ADAMTSL1: variants seen among roughly 807,000 people sequenced by gnomAD.
ADAMTSL1 encodes the protein ADAMTS-like protein 1.
Under a neutral mutation model 201.8 loss-of-function variants are expected in ADAMTSL1, and 126 were observed. That is an observed-to-expected ratio of 0.62 (90% CI 0.54 to 0.72). ADAMTSL1 has a LOEUF of 0.72. Among genes scored for constraint, ADAMTSL1 ranks in the 30% least tolerant of loss-of-function variants. The probability of loss-of-function intolerance (pLI) is 0.00; values close to 1 mark genes in which losing one functional copy is unlikely to be tolerated. For missense variants in ADAMTSL1, 2,679 were observed against 2,277.8 expected (o/e 1.18, Z -3.59); for synonymous variants, 1,121 against 903.4 (o/e 1.24, Z -4.32).
rs757969076 is a variant in ADAMTSL1, at chr9:18,777,302, G to A, written c.3073G>A (p.Val1025Ile). Residue 1025 changes from valine (V) to isoleucine (I), a missense_variant, in exon 19 of 29, where the codon GTC becomes ATC. By Grantham distance (29) the Val-to-Ile change is conservative (BLOSUM62 3). Transcript: ENST00000380548. The part of the protein sequence containing the change: ...ANPGSRYDDL[V>I]SRLLEQGGWP... ...CCCGGGGAGCCGCTACGACGACCTC[G>A]TCTCCCGGCTGCTGGAGCAGGGCGG... 3.7e-6 allele frequency: 6 copies of A among 1,604,328 alleles called. No homozygotes were observed. The highest frequency in any genetic ancestry group is 3.4e-6 in the Non-Finnish European group (4 of 1,175,732).
At chr9:18,063,135 C>T (rs1822535090) in intron 1 of ADAMTSL1, among the ~76,000 whole-genome samples, 1 of 151,958 alleles carries the variant, frequency 6.6e-6, no homozygotes, top group South Asian at 2.1e-4. Context: ...TCAAGACCAG[C>T]CTGAGGCCAG....
At chr9:18,528,034 T>TG (rs533300610) in intron 2 of ADAMTSL1, among the ~76,000 whole-genome samples, 165 of 152,078 alleles carry the variant, frequency 1.1e-3, no homozygotes, top group African/African-American at 3.8e-3. Context: ...CCTGCCACCA[T>TG]GCCCGGCTAA....
chr9:18,625,602 A>AT (rs2132696706), intron 5 of ADAMTSL1, among the ~76,000 whole-genome samples: 1 of 152,286 alleles, frequency 6.6e-6, no homozygotes, highest in East Asian at 1.9e-4. Flanking sequence ...AAAAATAGTC[A>AT]AATATAGCTG....
At chr9:18,695,112 A>G in intron 13 of ADAMTSL1, among the ~76,000 whole-genome samples, 1 of 152,236 alleles carries the variant, frequency 6.6e-6, no homozygotes, top group East Asian at 1.9e-4. Flanking sequence ...AAGGTTGTGC[A>G]GGGCAGTGGA....
intron 2 of ADAMTSL1, among the ~76,000 whole-genome samples, chr9:18,315,461 G>A (rs1389326252): frequency 6.6e-6 from 1 of 152,088 alleles, no homozygotes; most frequent in African/African-American, 2.4e-5. Flanking sequence ...TCGGGCATTG[G>A]GGGCTGCAGG....
chr9:18,887,289 C>A (rs6475268), intron 23 of ADAMTSL1, among the ~76,000 whole-genome samples: 1 of 151,948 alleles, frequency 6.6e-6, no homozygotes, highest in Non-Finnish European at 1.5e-5. Flanking sequence ...TTGGCAAAAG[C>A]CTTCAGAAGA....
At chr9:18,749,938 G>A (rs762421105) in intron 15 of ADAMTSL1, among the ~76,000 whole-genome samples, 2 of 152,138 alleles carry the variant, frequency 1.3e-5, no homozygotes, top group Non-Finnish European at 2.9e-5. Flanking sequence ...AGGTCCCAGG[G>A]GCTAAATTTC....
intron 1 of ADAMTSL1, among the ~76,000 whole-genome samples, chr9:18,478,954 A>G (rs891937873): frequency 6.6e-6 from 1 of 152,154 alleles, no homozygotes; most frequent in Non-Finnish European, 1.5e-5. Flanking sequence ...ATGTGGTTGA[A>G]TTTTGGCTTG....
At chr9:18,853,516 A>C (rs1211303511) in intron 23 of ADAMTSL1, among the ~76,000 whole-genome samples, 1 of 152,214 alleles carries the variant, frequency 6.6e-6, no homozygotes, top group Non-Finnish European at 1.5e-5. Flanking sequence ...ATTGATCATC[A>C]GAAATGCTGG....
At chr9:18,546,416 ATCT>A (rs932642562) in intron 3 of ADAMTSL1, among the ~76,000 whole-genome samples, 44 of 152,198 alleles carry the variant, frequency 2.9e-4, no homozygotes, top group African/African-American at 1.0e-3. Flanking sequence ...GACTCAAGTG[ATCT>A]TCTCATTAAA....
chr9:18,217,823 G>A (rs1255066065), intron 2 of ADAMTSL1, among the ~76,000 whole-genome samples: 25 of 152,072 alleles, frequency 1.6e-4, no homozygotes, highest in Admixed American at 1.6e-3. Context: ...CACAGAAAAG[G>A]CATCCCTTTG....
chr9:17,978,146 T>C (rs1167164369), intron 1 of ADAMTSL1, among the ~76,000 whole-genome samples: 3 of 152,108 alleles, frequency 2.0e-5, no homozygotes, highest in African/African-American at 7.2e-5. Context: ...TTCATTTGTA[T>C]GGAATATCTT....
chr9:18,663,759 G>T (rs1168614332), intron 9 of ADAMTSL1, among the ~76,000 whole-genome samples: 1 of 152,078 alleles, frequency 6.6e-6, no homozygotes, highest in Admixed American at 6.6e-5. Flanking sequence ...ATGGAAGAGA[G>T]TTATGTGAAA....
intron 2 of ADAMTSL1, among the ~76,000 whole-genome samples, chr9:18,358,866 T>C (rs1285277834): frequency 6.6e-6 from 1 of 152,210 alleles, no homozygotes; most frequent in Non-Finnish European, 1.5e-5. Flanking sequence ...TGAACTTACA[T>C]TTTCAATTAG....
At chr9:18,303,026 C>G (rs571996922) in intron 2 of ADAMTSL1, among the ~76,000 whole-genome samples, 1 of 152,210 alleles carries the variant, frequency 6.6e-6, no homozygotes, top group South Asian at 2.1e-4. Flanking sequence ...TGCAGAGAAA[C>G]TCACGCTTTT....
intron 10 of ADAMTSL1, among the ~76,000 whole-genome samples, chr9:18,676,977 G>C (rs1056781544): frequency 3.3e-5 from 5 of 151,890 alleles, no homozygotes; most frequent in African/African-American, 4.8e-5. Context: ...CCACAGATAT[G>C]TTAAATATAT....
At chr9:18,064,345 T>G (rs1822597648) in intron 1 of ADAMTSL1, among the ~76,000 whole-genome samples, 1 of 152,178 alleles carries the variant, frequency 6.6e-6, no homozygotes, top group Non-Finnish European at 1.5e-5. Context: ...AACTGTAAAT[T>G]CGTGGTAGCC....
chr9:18,557,164 C>G (rs1350880794), intron 3 of ADAMTSL1, among the ~76,000 whole-genome samples: 2 of 151,956 alleles, frequency 1.3e-5, no homozygotes, highest in Non-Finnish European at 2.9e-5. Flanking sequence ...TCTGAGAACT[C>G]CTTGCTTTCT....
intron 2 of ADAMTSL1, among the ~76,000 whole-genome samples, chr9:18,217,479 T>G (rs1037976146): frequency 2.0e-4 from 31 of 152,298 alleles, no homozygotes; most frequent in African/African-American, 6.0e-4. Context: ...GTATCTTGTC[T>G]TTTCTTTCCT....
Sources: gnomAD v4.1 joint callset for allele counts (sites outside exome capture counted in the v4.1 genomes callset) on GRCh38, gnomAD v4.1.1 for gene constraint, MANE v1.5 for transcripts, NCBI Gene and HGNC (gene_info 2026-07-23, HGNC 2026-07-21) for gene names.